Variants in MYO15B observed in about 807,000 individuals in gnomAD.
MYO15B encodes the protein myosin XVB pseudogene.
In MYO15B, 207 loss-of-function variants were observed where a neutral mutation model predicts 119.3. The ratio of observed to expected loss-of-function variants is 1.73; its 90% CI spans 1.55 to 1.95. MYO15B has a LOEUF of 1.95. MYO15B is among the 30% of genes most tolerant of loss of function. The probability of loss-of-function intolerance (pLI) is 0.00; values close to 1 mark genes in which losing one functional copy is unlikely to be tolerated. For synonymous variants in MYO15B, 966 were observed against 498.9 expected (o/e 1.94, Z -12.48); for missense variants, 2,264 against 1,203.1 (o/e 1.88, Z -13.04).
rs1288443210 is a variant in MYO15B, at chr17:75,605,029, CGGGA to C, written c.4017-472_4017-469del. 4.0e-5 allele frequency among the ~76,000 whole-genome samples: 6 copies of C among 151,862 alleles called. No homozygotes were observed. The East Asian group carries it at 1.2e-3, about 29-fold the overall frequency. On this transcript the variant is annotated intron_variant, in intron 19 of 63. Transcript: ENST00000645453. ...TTGCATGCCAGTAATCCCAGCTACT[CGGGA>C]GGCTGAGGCAAGAGGATCACTTGAA...
At chr17:75,613,072 G>T (rs1264928411) in exon 27 of MYO15B, 1 of 702,570 alleles carries the variant, frequency 1.4e-6, no homozygotes, top group Non-Finnish European at 2.6e-6. Flanking sequence ...CAGGGCTGCG[G>T]AATGAGCTCT....
chr17:75,624,380 C>T (rs900075814), exon 57 of MYO15B: 14 of 702,406 alleles, frequency 2.0e-5, no homozygotes, highest in Middle Eastern at 2.3e-4. Context: ...AAAGGACAAG[C>T]GATTCGCCTG....
At chr17:75,609,485 ATTTTTT>A (rs749247022) in intron 21 of MYO15B, among the ~76,000 whole-genome samples, 59 of 78,000 alleles carry the variant, frequency 7.6e-4, no homozygotes, top group Middle Eastern at 8.6e-3. Flanking sequence ...AAGGGAAATG[ATTTTTT>A]TTTTTTTTTT....
intron 21 of MYO15B, 170 bp downstream of exon 21, chr17:75,606,191 G>A (rs1016654380): frequency 1.2e-5 from 6 of 516,758 alleles, no homozygotes; most frequent in South Asian, 6.0e-5. Context: ...CCCCATACCC[G>A]TGCAGCCTCT....
rs1017696139 is a variant in MYO15B at position 75,605,774 on chromosome 17, T to G, written c.4135-90T>G. 5 of 646,768 alleles carry G rather than the reference T, an allele frequency of 7.7e-6. No homozygotes were observed. The African/African-American group carries it at 8.9e-5, about 12-fold the overall frequency. 40.1% of individuals were successfully genotyped at this position (646,768 alleles called of 1,614,324 possible). On this transcript the variant is annotated intron_variant, in intron 20 of 63. Transcript: ENST00000645453. ...GGCAGGGCCAGAAGAACAAATGGTT[T>G]GGCTGGAAGGGAGGAGGCTGAGACC...
In MYO15B at chr17:75,619,396, G is replaced by T. The variant is rs754042702; in HGVS notation, c.7102G>T (p.Glu2368Ter). The T allele has an allele frequency of 7.1e-6, 5 of 702,668 alleles. No individual in the cohort carries two copies. In the South Asian group the frequency reaches 7.4e-5, roughly 10 times the overall value. 43.5% of individuals were successfully genotyped at this position (702,668 alleles called of 1,614,324 possible). A position where few individuals can be genotyped will look rare whatever the true frequency, so the allele number is the denominator to read the frequency against. ...GGACCTGGATTCTCTCACCACCACC[G>T]AAGACAGCGTCAAGAAGCGCATCGT... is the stretch of plus-strand genomic sequence containing the variant. Residue 2368 changes from glutamate to a stop codon, truncating the protein, a stop_gained, in exon 45 of 64, where the codon GAA (glutamate) becomes TAA (stop). Transcript: ENST00000645453. LOFTEE classifies it high-confidence loss of function.
At chr17:75,603,275 T>C (rs1037169557) in exon 19 of MYO15B, 4 of 703,100 alleles carry the variant, frequency 5.7e-6, no homozygotes, top group Non-Finnish European at 1.0e-5. Flanking sequence ...CAGTGCCAAC[T>C]TCCCCGTGCG....
At chr17:75,594,707 C>T (rs919525453) in exon 11 of MYO15B, 1 of 703,078 alleles carries the variant, frequency 1.4e-6, no homozygotes, top group Admixed American at 2.0e-5. Flanking sequence ...CCAGGAGACG[C>T]CCTATGGCCA....
rs1219345366 is a variant in MYO15B at position 75,610,154 on chromosome 17, C to T, written c.4293-12C>T. On this transcript the variant is annotated splice_polypyrimidine_tract_variant and intron_variant, in intron 21 of 63. Coordinates refer to ENST00000645453, the Ensembl canonical transcript of MYO15B. Reference sequence around the variant, plus strand: ...ACTCTTCATTTCGCCCCCGCTCTTTCCCGGCCTCCAGGAAGCGGTACCTCC... The same window carrying T: ...ACTCTTCATTTCGCCCCCGCTCTTTTCCGGCCTCCAGGAAGCGGTACCTCC... 1 of 696,902 alleles carries T rather than the reference C, an allele frequency of 1.4e-6. No homozygotes were observed. Among genetic ancestry groups the T allele is most frequent in the African/African-American group, 1.8e-5 (1 of 56,866 alleles). The allele number at this position is 696,902 out of a possible 1,614,324, so 43.2% of individuals were successfully genotyped here.
At chr17:75,618,425 C>T (rs1039794756) in intron 43 of MYO15B, among the ~76,000 whole-genome samples, 2 of 152,166 alleles carry the variant, frequency 1.3e-5, no homozygotes, top group Non-Finnish European at 2.9e-5. Flanking sequence ...GAGGCCAAGG[C>T]AGGTGGATCA....
At chr17:75,592,811 C>T (rs757714403) in exon 9 of MYO15B, 1 of 702,520 alleles carries the variant, frequency 1.4e-6, no homozygotes. Flanking sequence ...CATCCTGCAG[C>T]TGGGCAACAT....
chr17:75,590,444 C>T (rs1276096137), intron 1 of MYO15B, 182 bp from the exon 2 acceptor site: 13 of 396,798 alleles, frequency 3.3e-5, no homozygotes, highest in Non-Finnish European at 4.9e-5. Flanking sequence ...ACAAAGCTTC[C>T]TTCTGGGTCA....
intron 21 of MYO15B, among the ~76,000 whole-genome samples, chr17:75,606,321 T>C (rs995373469): frequency 2.2e-5 from 3 of 138,298 alleles, no homozygotes; most frequent in Non-Finnish European, 4.8e-5. Context: ...ACAATCTTTG[T>C]TTTTTTTTTT....
chr17:75,623,706 G>A (rs1440399506), intron 53 of MYO15B, 75 bp from the exon 54 acceptor site: 1 of 694,034 alleles, frequency 1.4e-6, no homozygotes, highest in East Asian at 2.7e-5. Context: ...TGGCCTAGCA[G>A]GGTTTCTCCA....
chr17:75,593,658 G>A (rs2056636916), intron 9 of MYO15B, among the ~76,000 whole-genome samples: 2 of 151,294 alleles, frequency 1.3e-5, no homozygotes, highest in African/African-American at 4.9e-5. Flanking sequence ...GGTGGCTCAT[G>A]CCTGTAATCC....
chr17:75,601,599 C>A (rs970008975), intron 15 of MYO15B, 36 bp downstream of exon 15: 7 of 695,430 alleles, frequency 1.0e-5, no homozygotes, highest in Non-Finnish European at 1.8e-5. Flanking sequence ...GGTGAATCAG[C>A]GAGGGCAGTG....
intron 33 of MYO15B, 84 bp downstream of exon 33, chr17:75,615,126 G>A (rs746593759): frequency 4.7e-5 from 32 of 678,960 alleles, no homozygotes; most frequent in South Asian, 1.4e-4. Context: ...TGGCAGTGGC[G>A]ATCGATGCCC....
chr17:75,625,690 G>T (rs1473953882), intron 61 of MYO15B, 30 bp downstream of exon 61: 2 of 702,326 alleles, frequency 2.8e-6, no homozygotes, highest in African/African-American at 1.7e-5. Flanking sequence ...ACCGCTGGGT[G>T]GGGGCTGGAG....
rs149800265 is a variant in MYO15B, at chr17:75,597,963, C to G, written c.3525+1064C>G. On this transcript the variant is annotated intron_variant, in intron 14 of 63. Transcript: ENST00000645453. The stretch of plus-strand genomic sequence containing the variant: ...CAAACCAAAAACGCAGAGCCAAATA[C>G]AAAATCACCCCTGTGCGGCTCCGTG... Among the ~76,000 whole-genome samples the G allele has an allele frequency of 1.4e-3, 220 of 151,904 alleles. 2 individuals carry two copies. Among genetic ancestry groups the G allele is most frequent in the African/African-American group, 4.9e-3 (204 of 41,432 alleles).
Sources: gnomAD v4.1 joint callset for allele counts (sites outside exome capture counted in the v4.1 genomes callset) on GRCh38, gnomAD v4.1.1 for gene constraint, MANE v1.5 for transcripts, NCBI Gene and HGNC (gene_info 2026-07-23, HGNC 2026-07-21) for gene names.